Variants in TDRD9 observed in about 807,000 individuals in gnomAD.
TDRD9 encodes the protein ATP-dependent RNA helicase TDRD9.
In TDRD9, 124 loss-of-function variants were observed where a neutral mutation model predicts 172.6. That is an observed-to-expected ratio of 0.72 (90% CI 0.62 to 0.83). TDRD9 has a LOEUF of 0.83. Among genes scored for constraint, TDRD9 ranks in the 40% least tolerant of loss-of-function variants. The pLI is 0.00. For synonymous variants in TDRD9, 619 were observed against 617.1 expected, an observed-to-expected ratio of 1.00 and a Z score of -0.05; for missense variants, 1,479 against 1,714.1, an observed-to-expected ratio of 0.86 and a Z score of 2.42.
In TDRD9 at chr14:104,025,711, G is replaced by T; in HGVS notation, c.2866G>T (p.Ala956Ser). The change falls in exon 26 of 36, where the codon GCT becomes TCT. Residue 956 changes from alanine (A) to serine (S), a missense_variant. Ala to Ser is a moderately conservative substitution (Grantham distance 99). Coordinates refer to ENST00000409874, the MANE Select transcript of TDRD9 (RefSeq NM_153046.3). ...AGACTTGGTCTGTCTGGCACCTTTTGCTGATTTTGATAAACAACGCTACTT... is the reference window on the plus strand; with the variant it reads ...AGACTTGGTCTGTCTGGCACCTTTTTCTGATTTTGATAAACAACGCTACTT... Reference protein sequence around the residue: ...HPDLVCLAPFADFDKQRYFRA... With the variant: ...HPDLVCLAPFSDFDKQRYFRA... 6.2e-7 allele frequency: 1 copy of T among 1,613,944 alleles called. No individual in the cohort carries two copies. The highest frequency in any genetic ancestry group is 8.5e-7 in the Non-Finnish European group (1 of 1,179,878).
intron 22 of TDRD9, among the ~76,000 whole-genome samples, chr14:104,017,617 A>G (rs1467958018): frequency 6.6e-6 from 1 of 152,222 alleles, no homozygotes; most frequent in Non-Finnish European, 1.5e-5. Context: ...GAAACCCAGC[A>G]TGGTACCTTG....
intron 7 of TDRD9, among the ~76,000 whole-genome samples, chr14:103,984,859 C>A (rs1379406560): frequency 6.6e-6 from 1 of 152,190 alleles, no homozygotes; most frequent in East Asian, 1.9e-4. Flanking sequence ...AGGCTGTACT[C>A]TGCAAAGCCA....
chr14:103,952,390 C>T (rs952632803), intron 1 of TDRD9, among the ~76,000 whole-genome samples: 6 of 149,244 alleles, frequency 4.0e-5, no homozygotes, highest in Admixed American at 6.7e-5. Context: ...TACAGGCGCC[C>T]GCCACCACCC....
At chr14:104,015,585 T>C (rs2034765140) in intron 21 of TDRD9, among the ~76,000 whole-genome samples, 1 of 151,988 alleles carries the variant, frequency 6.6e-6, no homozygotes, top group African/African-American at 2.4e-5. Flanking sequence ...CCAATTGGAG[T>C]TTTATCTGAA....
chr14:104,004,109 TG>T, intron 13 of TDRD9, 128 bp from the exon 14 acceptor site: 1 of 473,084 alleles, frequency 2.1e-6, no homozygotes, highest in Non-Finnish European at 3.9e-6. Context: ...AAGTTTTTAC[TG>T]ACATAGTCTG....
chr14:104,025,679 C>T lies in TDRD9; in HGVS notation c.2834C>T (p.Pro945Leu). ...QLTLVPLPTH[P>L]HPDLVCLAPF... ...ACGCTGGTGCCCTTGCCCACTCACC[C>T]ACATCCAGACTTGGTCTGTCTGGCA... Residue 945 changes from proline to leucine, a missense_variant, in exon 26 of 36, where the codon CCA becomes CTA. Physicochemically the swap from Pro to Leu is moderately conservative, Grantham distance 98. This residue lies in a region of TDRD9 where 1,413 missense variants were observed against 1,649.1 expected (regional missense o/e 0.86). Coordinates refer to ENST00000409874, the MANE Select transcript of TDRD9 (RefSeq NM_153046.3). 3.1e-6 allele frequency: 5 copies of T among 1,613,994 alleles called. No individual in the cohort carries two copies. The highest frequency in any genetic ancestry group is 4.2e-6 in the Non-Finnish European group (5 of 1,179,872).
rs1000222341 is a variant in TDRD9, at chr14:104,042,261, G to C, written c.3974+74G>C. The C allele has an allele frequency of 2.6e-5, 26 of 1,009,060 alleles. No individual in the cohort carries two copies. In the African/African-American group the frequency reaches 4.1e-4, roughly 16 times the overall value. 62.5% of individuals were successfully genotyped at this position (1,009,060 alleles called of 1,614,324 possible). ...CAGCTGCCTTGATCATGGCTGTTTT[G>C]AATTGTGTAGGCAATGTGACATATT... On this transcript the variant is annotated intron_variant, in intron 34 of 35. Coordinates refer to ENST00000409874, the MANE Select transcript of TDRD9 (RefSeq NM_153046.3).
At chr14:104,033,240 G>A (rs1232049566) in intron 30 of TDRD9, among the ~76,000 whole-genome samples, 1 of 152,180 alleles carries the variant, frequency 6.6e-6, no homozygotes, top group Non-Finnish European at 1.5e-5. Flanking sequence ...GTCCCCTAGG[G>A]CCTTCCAAAT....
intron 25 of TDRD9, 122 bp from the exon 26 acceptor site, chr14:104,025,442 C>A: frequency 1.4e-6 from 1 of 721,954 alleles, no homozygotes; most frequent in Non-Finnish European, 2.3e-6. Flanking sequence ...ACTTATGTTC[C>A]GAGGATTAAC....
At chr14:103,929,541 A>T (rs1328500357) in intron 1 of TDRD9, among the ~76,000 whole-genome samples, 1 of 144,014 alleles carries the variant, frequency 6.9e-6, no homozygotes, top group South Asian at 2.5e-4. Context: ...ACCCCCCGAG[A>T]TGGAGTCTCA....
intron 24 of TDRD9, among the ~76,000 whole-genome samples, chr14:104,023,913 G>A (rs778308576): frequency 5.9e-5 from 9 of 152,186 alleles, no homozygotes; most frequent in Non-Finnish European, 1.2e-4. Context: ...GTCACTCATT[G>A]CCTGAGTCAC....
chr14:104,037,161 A>G (rs972178855), intron 32 of TDRD9, among the ~76,000 whole-genome samples: 2 of 152,022 alleles, frequency 1.3e-5, no homozygotes, highest in Non-Finnish European at 2.9e-5. Context: ...TGCAGCGAGC[A>G]GGAGGGGGGT....
intron 7 of TDRD9, among the ~76,000 whole-genome samples, chr14:103,983,730 G>A (rs1209853395): frequency 6.6e-6 from 1 of 152,196 alleles, no homozygotes; most frequent in East Asian, 1.9e-4. Flanking sequence ...GTGGGGCACT[G>A]CTGAAAAGAT....
chr14:103,990,879 G>C (rs2033838197), intron 8 of TDRD9, among the ~76,000 whole-genome samples: 1 of 152,152 alleles, frequency 6.6e-6, no homozygotes, highest in Non-Finnish European at 1.5e-5. Flanking sequence ...TGAAGTTCTT[G>C]ATTACAATAA....
At chr14:104,045,390 C>CTTTTTTTTTTTTTT in intron 34 of TDRD9, among the ~76,000 whole-genome samples, 1 of 133,906 alleles carries the variant, frequency 7.5e-6, no homozygotes, top group Non-Finnish European at 1.6e-5. Flanking sequence ...GTCATTTATC[C>CTTTTTTTTTTTTTT]TTTTTTTTTT....
rs72712900 is a variant in TDRD9 at position 103,997,188 on chromosome 14, G to A, written c.1378+1381G>A. Among the ~76,000 whole-genome samples the A allele has an allele frequency of 0.34, 51,501 of 152,072 alleles. 8,912 individuals are homozygous for A. The highest frequency in any genetic ancestry group is 0.37 in the Middle Eastern group (110 of 294). On this transcript the variant is annotated intron_variant, in intron 12 of 35. Transcript: ENST00000409874. This position sits in a 1 kb window ranked among gnomAD's most constrained non-coding sequence, Gnocchi z 5.1. ...ACTTAACAGGATTTCTCTGGGAATA[G>A]ACTAGAATGAGGCAAAGGAGAGAAA... is the stretch of plus-strand genomic sequence containing the variant.
intron 34 of TDRD9, among the ~76,000 whole-genome samples, chr14:104,048,337 C>T (rs561540566): frequency 1.8e-4 from 27 of 152,348 alleles, no homozygotes; most frequent in South Asian, 1.7e-3. Flanking sequence ...CTCCTGGGCT[C>T]TGGCGATCCT....
intron 34 of TDRD9, among the ~76,000 whole-genome samples, chr14:104,044,203 G>A (rs540492237): frequency 8.5e-5 from 13 of 152,244 alleles, no homozygotes; most frequent in Non-Finnish European, 1.3e-4. Flanking sequence ...GTAAAGGTTC[G>A]TTCCAGCCAG....
chr14:103,964,918 T>C (rs2032668196), intron 3 of TDRD9, among the ~76,000 whole-genome samples: 1 of 152,150 alleles, frequency 6.6e-6, no homozygotes. Flanking sequence ...GAATGGTTAA[T>C]TAATAACTTT....
Sources: gnomAD v4.1 joint callset for allele counts (sites outside exome capture counted in the v4.1 genomes callset) on GRCh38, gnomAD v4.1.1 for gene constraint, gnomAD v4.1.1 regional missense constraint, Gnocchi (gnomAD v3.1) non-coding constraint, MANE v1.5 for transcripts, NCBI Gene and HGNC (gene_info 2026-07-23, HGNC 2026-07-21) for gene names.